Variants in DLD observed in about 807,000 individuals in gnomAD.
The protein encoded by DLD is dihydrolipoyl dehydrogenase, mitochondrial.
In DLD, 36 loss-of-function variants were observed where a neutral mutation model predicts 62.2. The observed-to-expected ratio is 0.58, with a 90% CI of 0.44 to 0.76. DLD has a LOEUF of 0.76. Among genes scored for constraint, DLD ranks in the 30% least tolerant of loss-of-function variants. The pLI, the probability that DLD is intolerant of heterozygous loss-of-function variation, is 0.00. For synonymous variants in DLD, 204 were observed against 199.6 expected (o/e 1.02, Z -0.19); for missense variants, 541 against 608.6 (o/e 0.89, Z 1.17).
Position 107,903,466 on chromosome 7 carries a change from A to T in DLD, c.268-12A>T, listed in dbSNP as rs916946250. 1 of 1,500,590 alleles carries T rather than the reference A, an allele frequency of 6.7e-7. No homozygotes were observed. Among genetic ancestry groups the T allele is most frequent in the Non-Finnish European group, 9.3e-7 (1 of 1,078,052 alleles). The allele number at this position is 1,500,590 out of a possible 1,614,324, so 93.0% of individuals were successfully genotyped here. A position where few individuals can be genotyped will look rare whatever the true frequency, so the allele number is the denominator to read the frequency against. Reference sequence around the variant, plus strand: ...GAATATTTGATAATTTGATCTTTTTAATTTCCTTTAGGCTTTATTGAACAA... The same window carrying T: ...GAATATTTGATAATTTGATCTTTTTTATTTCCTTTAGGCTTTATTGAACAA... On this transcript the variant is annotated splice_polypyrimidine_tract_variant and intron_variant, in intron 4 of 13. Transcript: ENST00000205402.
intron 8 of DLD, among the ~76,000 whole-genome samples, chr7:107,911,856 A>G (rs974793309): frequency 6.6e-6 from 1 of 151,996 alleles, no homozygotes; most frequent in Non-Finnish European, 1.5e-5. Flanking sequence ...ATTCTCTTCT[A>G]GCTATTTTGA....
At chr7:107,905,561 TA>T in intron 7 of DLD, 57 bp downstream of exon 7, 1 of 1,545,864 alleles carries the variant, frequency 6.5e-7, no homozygotes, top group African/African-American at 1.4e-5. Flanking sequence ...ATACGTTTTA[TA>T]AGTTATTTAT....
At chr7:107,901,201 A>G (rs1165719147) in intron 2 of DLD, among the ~76,000 whole-genome samples, 1 of 152,164 alleles carries the variant, frequency 6.6e-6, no homozygotes, top group African/African-American at 2.4e-5. Flanking sequence ...TAGGTCTTAA[A>G]TTTATTGGAA....
intron 10 of DLD, 105 bp downstream of exon 10, chr7:107,917,069 A>T: frequency 8.0e-7 from 1 of 1,253,866 alleles, no homozygotes; most frequent in South Asian, 1.3e-5. Flanking sequence ...GGCTTTGGGG[A>T]AGAATAGTAA....
chr7:107,893,291 G>A lies in DLD; in HGVS notation c.118+13G>A, dbSNP rs202216653. On this transcript the variant is annotated intron_variant, in intron 2 of 13. Transcript: ENST00000205402. ...GCAGATCAGCCGAGTAAGTACTTAAGTAAAACATTTTTTTCATCACATTAG... is the reference window on the plus strand; with the variant it reads ...GCAGATCAGCCGAGTAAGTACTTAAATAAAACATTTTTTTCATCACATTAG... 1.2e-6 allele frequency: 2 copies of A among 1,605,452 alleles called. No homozygotes were observed. Among genetic ancestry groups the A allele is most frequent in the African/African-American group, 1.3e-5 (1 of 74,800 alleles).
chr7:107,893,465 C>A (rs2031642509), intron 2 of DLD, 187 bp downstream of exon 2: 1 of 448,432 alleles, frequency 2.2e-6, no homozygotes, highest in Non-Finnish European at 3.9e-6. Context: ...GTAAAAAAAC[C>A]CTGCTCTTAT....
At chr7:107,917,598 C>T in intron 11 of DLD, 136 bp downstream of exon 11, 1 of 970,756 alleles carries the variant, frequency 1.0e-6, no homozygotes, top group East Asian at 2.6e-5. Context: ...ATATTTTTCC[C>T]TTGTTAGCAT....
At chr7:107,917,141 A>G (rs1341684584) in intron 10 of DLD, 132 bp from the exon 11 acceptor site, 1 of 1,240,822 alleles carries the variant, frequency 8.1e-7, no homozygotes, top group African/African-American at 1.5e-5. Flanking sequence ...GAATTCATAG[A>G]TTTTTGAAGA....
chr7:107,894,648 A>G (rs2031672580), intron 2 of DLD, among the ~76,000 whole-genome samples: 1 of 152,152 alleles, frequency 6.6e-6, no homozygotes, highest in Non-Finnish European at 1.5e-5. Context: ...CTAACTCTAT[A>G]CCTTTGGCAT....
intron 9 of DLD, among the ~76,000 whole-genome samples, chr7:107,916,306 TA>T (rs1361709423): frequency 6.6e-6 from 1 of 152,182 alleles, no homozygotes; most frequent in Non-Finnish European, 1.5e-5. Context: ...AACAGACCTC[TA>T]GATTTTAATG....
At chr7:107,903,742 C>G (rs2031935478) in intron 5 of DLD, 195 bp downstream of exon 5, 1 of 458,950 alleles carries the variant, frequency 2.2e-6, no homozygotes, top group Non-Finnish European at 4.0e-6. Context: ...CCAAGTATAA[C>G]CAAGCCTAAC....
chr7:107,915,947 C>T (rs2032258649), intron 9 of DLD, among the ~76,000 whole-genome samples: 1 of 151,980 alleles, frequency 6.6e-6, no homozygotes. Context: ...AATTTAAATT[C>T]CCAATAATAA....
chr7:107,891,169 C>T, upstream of DLD: 1 of 1,559,084 alleles, frequency 6.4e-7, no homozygotes, highest in Admixed American at 1.7e-5. Context: ...TGTGCATGCG[C>T]AGGGAGGGGA....
At chr7:107,915,354 T>C in intron 8 of DLD, 152 bp from the exon 9 acceptor site, 1 of 744,604 alleles carries the variant, frequency 1.3e-6, no homozygotes, top group Non-Finnish European at 2.2e-6. Flanking sequence ...GTTATACATA[T>C]TTAACACAGG....
Position 107,898,652 on chromosome 7 carries a change from G to A in DLD, c.119-3086G>A, listed in dbSNP as rs185860643. 4.4e-3 allele frequency among the ~76,000 whole-genome samples: 652 copies of A among 148,500 alleles called. 6 individuals carry two copies. The highest frequency in any genetic ancestry group is 0.015 in the African/African-American group (619 of 40,098). On this transcript the variant is annotated intron_variant, in intron 2 of 13. Coordinates refer to ENST00000205402, the MANE Select transcript of DLD (RefSeq NM_000108.5). ...GTCGCCCAGGCTGGAGTGCAGTGGCGTGATCTCGGCTCACTGCAAGCTCTG... is the reference window on the plus strand; with the variant it reads ...GTCGCCCAGGCTGGAGTGCAGTGGCATGATCTCGGCTCACTGCAAGCTCTG...
At chr7:107,898,651 C>G (rs111916823) in intron 2 of DLD, among the ~76,000 whole-genome samples, 3,654 of 150,566 alleles carry the variant, frequency 0.024, 142 homozygotes, top group African/African-American at 0.084. Flanking sequence ...AGTGCAGTGG[C>G]GTGATCTCGG....
At chr7:107,906,494 T>TTAA in intron 8 of DLD, 126 bp downstream of exon 8, 1 of 679,944 alleles carries the variant, frequency 1.5e-6, no homozygotes, top group Non-Finnish European at 2.7e-6. Flanking sequence ...ACACTTCTAG[T>TTAA]AATAAAGAGT....
intron 2 of DLD, among the ~76,000 whole-genome samples, chr7:107,901,092 A>G (rs1331970116): frequency 6.6e-6 from 1 of 152,150 alleles, no homozygotes; most frequent in Non-Finnish European, 1.5e-5. Flanking sequence ...AAGGTATGTA[A>G]AAATTATCAA....
At chr7:107,891,645 T>TTC in intron 1 of DLD, 1 of 440,300 alleles carries the variant, frequency 2.3e-6, no homozygotes, top group Non-Finnish European at 4.2e-6. Flanking sequence ...TAGTCTGGCT[T>TTC]TTTATACCAT....
Sources: allele counts gnomAD v4.1 joint callset (sites outside exome capture counted in the v4.1 genomes callset), GRCh38; gene constraint gnomAD v4.1.1; transcripts MANE v1.5; gene names NCBI Gene and HGNC (gene_info 2026-07-23, HGNC 2026-07-21).